The following AKAP13 variants were observed in gnomAD, a reference collection of about 807,000 sequenced individuals.
AKAP13 encodes the protein A-kinase anchor protein 13.
A neutral mutation model predicts 264.5 loss-of-function variants in AKAP13; 80 were observed. The ratio of observed to expected loss-of-function variants is 0.30; its 90% CI spans 0.25 to 0.36. AKAP13 has a LOEUF of 0.36. AKAP13 is among the 10% of genes least tolerant of loss of function. The probability of loss-of-function intolerance (pLI) is 1.00; values close to 1 mark genes in which losing one functional copy is unlikely to be tolerated. For synonymous variants in AKAP13, 1,380 were observed against 1,250.2 expected (o/e 1.10, Z -2.19); for missense variants, 3,712 against 3,435.2 (o/e 1.08, Z -2.01).
At chr15:85,571,263 A>G (rs2078809229) in intron 5 of AKAP13, among the ~76,000 whole-genome samples, 1 of 98,142 alleles carries the variant, frequency 1.0e-5, no homozygotes, top group South Asian at 3.0e-4. Context: ...GACTAGACTT[A>G]TGTACTTTTT....
chr15:85,695,230 C>A (rs2085500886), intron 17 of AKAP13, among the ~76,000 whole-genome samples: 1 of 152,186 alleles, frequency 6.6e-6, no homozygotes, highest in Non-Finnish European at 1.5e-5. Context: ...CATGGCGAAA[C>A]CCCGTCTCTA....
chr15:85,490,010 C>T (rs972934295), intron 2 of AKAP13, among the ~76,000 whole-genome samples: 2 of 152,208 alleles, frequency 1.3e-5, no homozygotes, highest in African/African-American at 4.8e-5. Context: ...CTAGTTACAT[C>T]ACTAAGTCGG....
chr15:85,510,238 C>T (rs907637908), intron 2 of AKAP13, among the ~76,000 whole-genome samples: 2 of 152,286 alleles, frequency 1.3e-5, no homozygotes, highest in South Asian at 4.1e-4. Context: ...TGCGCCTGCT[C>T]GAGGTGATCT....
At chr15:85,471,920 G>C (rs1198591782) in intron 1 of AKAP13, among the ~76,000 whole-genome samples, 4 of 152,122 alleles carry the variant, frequency 2.6e-5, no homozygotes, top group Non-Finnish European at 5.9e-5. Context: ...CATTAAATTT[G>C]TAGATCAGTT....
chr15:85,394,210 C>T (rs906096428), intron 1 of AKAP13, among the ~76,000 whole-genome samples: 1 of 152,192 alleles, frequency 6.6e-6, no homozygotes, highest in Non-Finnish European at 1.5e-5. Flanking sequence ...AAGAAAAATA[C>T]AGGTATGCAC....
chr15:85,568,823 G>A (rs2078701378), intron 5 of AKAP13, among the ~76,000 whole-genome samples: 1 of 152,176 alleles, frequency 6.6e-6, no homozygotes, highest in Admixed American at 6.5e-5. Flanking sequence ...TTGTAGAACA[G>A]AGCTTTTGAG....
chr15:85,717,048 C>T, intron 20 of AKAP13: 1 of 429,610 alleles, frequency 2.3e-6, no homozygotes, highest in Non-Finnish European at 4.1e-6. Flanking sequence ...TGCTTCTTAT[C>T]ACTTTCTTTA....
chr15:85,553,109 G>A (rs148825740), intron 5 of AKAP13, among the ~76,000 whole-genome samples: 5,485 of 125,094 alleles, frequency 0.044, 253 homozygotes, highest in Admixed American at 0.17. Context: ...TTTTGGAGAC[G>A]GAGTTTCGCT....
At chr15:85,730,451 T>A (rs770113828) in intron 29 of AKAP13, 62 bp from the exon 30 acceptor site, 1 of 1,549,314 alleles carries the variant, frequency 6.5e-7, no homozygotes. Context: ...TGCTCGTGTC[T>A]TAGTCATTCT....
chr15:85,708,072 A>G lies in AKAP13; in HGVS notation c.5518A>G (p.Lys1840Glu), dbSNP rs755961376. 3 of 1,613,802 alleles carry G rather than the reference A, an allele frequency of 1.9e-6. No homozygotes were observed. Among genetic ancestry groups the G allele is most frequent in the African/African-American group, 1.3e-5 (1 of 75,028 alleles). The change falls in exon 18 of 37, where the codon AAG (lysine) becomes GAG (glutamate). Residue 1840 changes from lysine (K) to glutamate (E), a missense_variant. Lys to Glu is a moderately conservative substitution (Grantham distance 56). Coordinates refer to ENST00000394518, the MANE Select transcript of AKAP13 (RefSeq NM_007200.5). This position sits in a 1 kb window ranked among gnomAD's most constrained non-coding sequence, Gnocchi z 4.3. ...CCGAGAAAGTCTAGCCTCCTGTGCAAAGGTCAAAATGAAGGTAAGACTTTC... is the reference window on the plus strand; with the variant it reads ...CCGAGAAAGTCTAGCCTCCTGTGCAGAGGTCAAAATGAAGGTAAGACTTTC... ...GCRESLASCAKVKMKQPKGSL... is the reference protein window; with the variant it reads ...GCRESLASCAEVKMKQPKGSL...
rs971730463 is a variant in AKAP13 at position 85,749,134 on chromosome 15, T to C, written c.*4457T>C. On this transcript the variant is annotated 3_prime_UTR_variant, in exon 37 of 37. Coordinates refer to ENST00000394518, the MANE Select transcript of AKAP13 (RefSeq NM_007200.5). ...CATTTGTGTGCTAAATCCTATTAAA[T>C]AAAAAAGACGGGTTAAAACCCAGAT... 1.3e-5 allele frequency: 2 copies of C among 152,228 alleles called. No individual in the cohort carries two copies. Among genetic ancestry groups the C allele is most frequent in the African/African-American group, 2.4e-5 (1 of 41,458 alleles). The allele number at this position is 152,228 out of a possible 1,614,324, so 9.4% of individuals were successfully genotyped here. A position where few individuals can be genotyped will look rare whatever the true frequency, so the allele number is the denominator to read the frequency against.
Position 85,521,514 on chromosome 15 carries a change from C to T in AKAP13, c.120C>T (p.Thr40=), listed in dbSNP as rs2076821950. 1.2e-6 allele frequency: 2 copies of T among 1,613,988 alleles called. No individual in the cohort carries two copies. The highest frequency in any genetic ancestry group is 2.7e-5 in the African/African-American group (2 of 74,900). Residue 40 remains threonine, a synonymous_variant, in exon 3 of 37, where the codon ACC becomes ACT. Transcript: ENST00000394518. ...VVFYLVFLGS[T]LRHCTSTRKV... Reference sequence around the variant, plus strand: ...TTTACTTGGTATTTTTGGGTTCCACCCTCCGTCACTGTACAAGTACTCGGA... The same window carrying T: ...TTTACTTGGTATTTTTGGGTTCCACTCTCCGTCACTGTACAAGTACTCGGA...
intron 12 of AKAP13, among the ~76,000 whole-genome samples, chr15:85,661,902 GAAA>G (rs57846021): frequency 4.1e-4 from 56 of 136,634 alleles, no homozygotes; most frequent in African/African-American, 7.8e-4. Context: ...GGAAACACAT[GAAA>G]AAAAAAAAAA....
intron 1 of AKAP13, among the ~76,000 whole-genome samples, chr15:85,439,865 A>G (rs909373778): frequency 3.4e-5 from 5 of 148,898 alleles, no homozygotes; most frequent in African/African-American, 1.2e-4. Context: ...GATATACCTA[A>G]TGCTAGATGA....
At chr15:85,698,332 G>T (rs2085682482) in intron 17 of AKAP13, among the ~76,000 whole-genome samples, 1 of 151,910 alleles carries the variant, frequency 6.6e-6, no homozygotes, top group East Asian at 1.9e-4. Flanking sequence ...CGGGCATGGT[G>T]GCAGTGCCTG....
At chr15:85,634,393 A>G (rs755733239) in intron 8 of AKAP13, among the ~76,000 whole-genome samples, 2 of 152,202 alleles carry the variant, frequency 1.3e-5, no homozygotes, top group Non-Finnish European at 2.9e-5. Flanking sequence ...TGAGCATACA[A>G]ATATTCACAA....
At chr15:85,735,720 C>T (rs969612643) in intron 32 of AKAP13, 90 bp downstream of exon 32, 38 of 1,273,188 alleles carry the variant, frequency 3.0e-5, no homozygotes, top group Admixed American at 6.8e-5. Flanking sequence ...ATGTTGTTTT[C>T]GATGCCTGAA....
chr15:85,543,984 CCT>C (rs1258547189), intron 5 of AKAP13, 29 bp downstream of exon 5: 1 of 1,609,352 alleles, frequency 6.2e-7, no homozygotes, highest in African/African-American at 1.3e-5. Context: ...TTATTTCCCT[CCT>C]CTCATCCCCA....
chr15:85,536,029 TGA>T (rs1007522558), intron 4 of AKAP13: 1 of 152,306 alleles, frequency 6.6e-6, no homozygotes, highest in African/African-American at 2.4e-5. Context: ...CTTGAACTCC[TGA>T]GCTCAGGCAA....
Sources: allele counts gnomAD v4.1 joint callset (sites outside exome capture counted in the v4.1 genomes callset), GRCh38; gene constraint gnomAD v4.1.1; non-coding constraint Gnocchi (gnomAD v3.1); transcripts MANE v1.5; gene names NCBI Gene and HGNC (gene_info 2026-07-23, HGNC 2026-07-21).